Variants in PKP4 observed in about 807,000 individuals in gnomAD.
The protein encoded by PKP4 is plakophilin-4.
Under a neutral mutation model 145.1 loss-of-function variants are expected in PKP4, and 90 were observed. That is an observed-to-expected ratio of 0.62 (90% CI 0.52 to 0.74). The LOEUF is 0.74. Among genes scored for constraint, PKP4 ranks in the 30% least tolerant of loss-of-function variants. The probability of loss-of-function intolerance (pLI) is 0.00; values close to 1 mark genes in which losing one functional copy is unlikely to be tolerated. For synonymous variants in PKP4, 563 were observed against 577.2 expected (o/e 0.98, Z 0.35); for missense variants, 1,340 against 1,482.7 (o/e 0.90, Z 1.58).
intron 1 of PKP4, among the ~76,000 whole-genome samples, chr2:158,500,130 T>TG (rs766254826): frequency 2.1e-4 from 32 of 152,366 alleles, no homozygotes; most frequent in Middle Eastern, 3.4e-3. Context: ...AGGTTAATCT[T>TG]GCATATTTGT....
At chr2:158,543,766 T>G (rs1244801687) in intron 2 of PKP4, among the ~76,000 whole-genome samples, 1 of 152,172 alleles carries the variant, frequency 6.6e-6, no homozygotes, top group African/African-American at 2.4e-5. Context: ...TGTAATGCAT[T>G]AAAAGGTCGT....
chr2:158,544,695 TTG>T (rs1463859778), intron 2 of PKP4, among the ~76,000 whole-genome samples: 6 of 152,194 alleles, frequency 3.9e-5, no homozygotes, highest in African/African-American at 9.6e-5. Context: ...TGTCATTCAG[TTG>T]TCTCTTCAAC....
chr2:158,680,207 T>A (rs545461493), intron 21 of PKP4, among the ~76,000 whole-genome samples: 2 of 152,270 alleles, frequency 1.3e-5, no homozygotes, highest in African/African-American at 4.8e-5. Flanking sequence ...TCTCTAGAGG[T>A]CTTAGGACAG....
chr2:158,655,485 ACTCTT>A (rs1223074691), intron 11 of PKP4, among the ~76,000 whole-genome samples: 10 of 152,116 alleles, frequency 6.6e-5, no homozygotes, highest in African/African-American at 2.4e-4. Flanking sequence ...CTGAAAAACT[ACTCTT>A]CTTCTTAGTC....
At chr2:158,484,261 A>T (rs1041814578) in intron 1 of PKP4, among the ~76,000 whole-genome samples, 4 of 151,656 alleles carry the variant, frequency 2.6e-5, no homozygotes, top group Non-Finnish European at 5.9e-5. Flanking sequence ...GTTAGCCAGG[A>T]TGGTCTCGAT....
At chr2:158,467,586 C>G (rs1690836128) in intron 1 of PKP4, among the ~76,000 whole-genome samples, 1 of 150,760 alleles carries the variant, frequency 6.6e-6, no homozygotes, top group Non-Finnish European at 1.5e-5. Context: ...TGGCTCGCTC[C>G]TGTAATCTAA....
At chr2:158,658,999 C>T (rs951319698) in intron 12 of PKP4, 1 of 152,368 alleles carries the variant, frequency 6.6e-6, no homozygotes, top group Non-Finnish European at 1.5e-5. Flanking sequence ...GTTTCCTCAT[C>T]TGTAGAATAG....
intron 4 of PKP4, among the ~76,000 whole-genome samples, chr2:158,604,161 C>T (rs2050456242): frequency 6.6e-6 from 1 of 152,168 alleles, no homozygotes; most frequent in Admixed American, 6.5e-5. Flanking sequence ...TATAAGTGGA[C>T]AGCCCACATC....
chr2:158,593,287 T>G (rs866210280), intron 3 of PKP4, among the ~76,000 whole-genome samples: 2 of 152,124 alleles, frequency 1.3e-5, no homozygotes, highest in Admixed American at 6.5e-5. Context: ...GTTGTTGTGT[T>G]TAGCCATTTT....
intron 1 of PKP4, among the ~76,000 whole-genome samples, chr2:158,466,972 G>T (rs1690721913): frequency 6.6e-6 from 1 of 152,338 alleles, no homozygotes; most frequent in African/African-American, 2.4e-5. Context: ...TAAAGCACAT[G>T]AAGTTTTTCA....
intron 3 of PKP4, chr2:158,578,197 CT>C (rs1362254215): frequency 1.6e-5 from 4 of 248,550 alleles, no homozygotes. Flanking sequence ...GGCAAAAAAA[CT>C]TCTTAGTGAA....
chr2:158,550,997 A>G (rs1436695558), intron 2 of PKP4, among the ~76,000 whole-genome samples: 1 of 152,366 alleles, frequency 6.6e-6, no homozygotes, highest in African/African-American at 2.4e-5. Context: ...ATGTGACCAT[A>G]TATTCAAATT....
At chr2:158,671,663 T>A (rs766539427) in intron 17 of PKP4, among the ~76,000 whole-genome samples, 8 of 152,256 alleles carry the variant, frequency 5.3e-5, no homozygotes, top group Non-Finnish European at 8.8e-5. Context: ...CTCTTCTCTA[T>A]GCTGGGCTTG....
At chr2:158,522,723 G>C (rs1322632502) in intron 1 of PKP4, among the ~76,000 whole-genome samples, 1 of 152,228 alleles carries the variant, frequency 6.6e-6, no homozygotes, top group East Asian at 1.9e-4. Context: ...GAGGTACCGG[G>C]TTCATCTCAC....
intron 4 of PKP4, among the ~76,000 whole-genome samples, chr2:158,620,300 C>T (rs2052084927): frequency 6.6e-6 from 1 of 151,888 alleles, no homozygotes; most frequent in Admixed American, 6.6e-5. Context: ...GCATAAAAAA[C>T]AGAAGTTTGA....
intron 15 of PKP4, among the ~76,000 whole-genome samples, chr2:158,665,173 T>C (rs192496221): frequency 6.6e-5 from 10 of 152,272 alleles, no homozygotes; most frequent in Middle Eastern, 3.4e-3. Flanking sequence ...TGACTGTAGT[T>C]CTCCAGAAGG....
chr2:158,460,272 A>G (rs1689566221), intron 1 of PKP4, among the ~76,000 whole-genome samples: 1 of 152,234 alleles, frequency 6.6e-6, no homozygotes, highest in Non-Finnish European at 1.5e-5. Context: ...TAGTTCTGAC[A>G]TGATATGAAT....
At chr2:158,521,065 A>G (rs949842421) in intron 1 of PKP4, among the ~76,000 whole-genome samples, 2 of 152,214 alleles carry the variant, frequency 1.3e-5, no homozygotes, top group African/African-American at 2.4e-5. Flanking sequence ...AACTCTCCAG[A>G]TGCCTATGTA....
chr2:158,493,295 T>C (rs942701062), intron 1 of PKP4, among the ~76,000 whole-genome samples: 1 of 152,228 alleles, frequency 6.6e-6, no homozygotes, highest in Non-Finnish European at 1.5e-5. Flanking sequence ...TTCCATTATT[T>C]TGACTATATA....
Sources: gnomAD v4.1 joint callset for allele counts (sites outside exome capture counted in the v4.1 genomes callset) on GRCh38, gnomAD v4.1.1 for gene constraint, MANE v1.5 for transcripts, NCBI Gene and HGNC (gene_info 2026-07-23, HGNC 2026-07-21) for gene names.